LGALS4: variants seen among roughly 807,000 people sequenced by gnomAD.
LGALS4 encodes the protein galectin 4, also known as galectin-4.
In LGALS4, 37 loss-of-function variants were observed where a neutral mutation model predicts 39.6. The observed-to-expected ratio is 0.93, with a 90% CI of 0.72 to 1.23. LGALS4 has a LOEUF of 1.23. Ranked by LOEUF, LGALS4 falls within the 50% of genes most tolerant of loss-of-function variation. The pLI, the probability that LGALS4 is intolerant of heterozygous loss-of-function variation, is 0.00. For missense variants in LGALS4, 397 were observed against 433.2 expected (o/e 0.92, Z 0.74); for synonymous variants, 160 against 165.5 (o/e 0.97, Z 0.25).
intron 8 of LGALS4, 33 bp downstream of exon 8, chr19:38,802,283 G>T (rs767046687): frequency 1.2e-6 from 2 of 1,605,440 alleles, no homozygotes; most frequent in Non-Finnish European, 1.7e-6. Context: ...AGGGAGGAGG[G>T]GGCTGGGGGT....
intron 2 of LGALS4, 83 bp downstream of exon 2, chr19:38,812,348 G>A (rs934361237): frequency 8.3e-7 from 1 of 1,201,754 alleles, no homozygotes; most frequent in East Asian, 2.3e-5. Context: ...GTGGGGTAAG[G>A]GCAGAAAGCC....
chr19:38,807,543 G>A (rs941055343), intron 3 of LGALS4, among the ~76,000 whole-genome samples: 4 of 151,864 alleles, frequency 2.6e-5, no homozygotes, highest in Admixed American at 2.0e-4. Context: ...GGTGAGGAGC[G>A]CCTCTGCCCG....
Position 38,803,554 on chromosome 19 carries a change from G to T in LGALS4, c.541-3C>A. ...AAGGTTGGGGGTCCTTCCATGGTCT[G>T]TGAAGTGAGGAAGAAGCGATATTAT... On this transcript the variant is annotated splice_region_variant and splice_polypyrimidine_tract_variant and intron_variant, in intron 6 of 9. Coordinates refer to ENST00000307751, the MANE Select transcript of LGALS4 (RefSeq NM_006149.4). 2 of 1,613,964 alleles carry T rather than the reference G, an allele frequency of 1.2e-6. No individual in the cohort carries two copies. The highest frequency in any genetic ancestry group is 2.2e-5 in the South Asian group (2 of 91,082).
In LGALS4 at chr19:38,812,444, C is replaced by A; in HGVS notation, c.121G>T (p.Glu41Ter). The A allele has an allele frequency of 6.2e-7, 1 of 1,614,014 alleles. No individual in the cohort carries two copies. The highest frequency in any genetic ancestry group is 8.5e-7 in the Non-Finnish European group (1 of 1,179,946). ...GGAGGGTCTTACCGCTTCATGTGCT[C>A]GCTGGCCACTCCTTGGATGTAAACA... The part of the protein sequence containing the change: ...MSVYIQGVAS[E>*]HMKRFFVNFV... Residue 41 changes from glutamate (E) to a stop codon, truncating the protein, a stop_gained, in exon 2 of 10, where the codon GAG becomes TAG. Transcript: ENST00000307751. LOFTEE classifies it high-confidence loss of function.
intron 7 of LGALS4, 182 bp downstream of exon 7, chr19:38,803,340 C>T (rs1445817468): frequency 3.1e-6 from 2 of 638,276 alleles, no homozygotes; most frequent in East Asian, 2.7e-5. Context: ...TCTGAGAGGT[C>T]CCACTCCTCC....
At position 38,812,430 on chromosome 19, in the gene LGALS4, C is replaced by G; in HGVS notation, c.134+1G>C. 6.2e-7 allele frequency: 1 copy of G among 1,613,830 alleles called. No homozygotes were observed. The highest frequency in any genetic ancestry group is 8.5e-7 in the Non-Finnish European group (1 of 1,179,798). ...CCGGCCTGGCTTGGGGAGGGTCTTA[C>G]CGCTTCATGTGCTCGCTGGCCACTC... On this transcript the variant is annotated splice_donor_variant, in intron 2 of 9. Coordinates refer to ENST00000307751, the MANE Select transcript of LGALS4 (RefSeq NM_006149.4). LOFTEE classifies it high-confidence loss of function.
intron 4 of LGALS4, among the ~76,000 whole-genome samples, chr19:38,805,166 A>AAATTAATAATAAT (rs1555719648): frequency 4.1e-5 from 5 of 121,110 alleles, no homozygotes; most frequent in African/African-American, 1.8e-4. Flanking sequence ...CCTGCCTCAA[A>AAATTAATAATAAT]AATAATAATA....
chr19:38,802,337 T>C lies in LGALS4; in HGVS notation c.638A>G (p.Tyr213Cys), dbSNP rs761501851. Residue 213 changes from tyrosine (Y) to cysteine (C), a missense_variant, in exon 8 of 10, where the codon TAT becomes TGT. Coordinates refer to ENST00000307751, the MANE Select transcript of LGALS4 (RefSeq NM_006149.4). ...TARRTIIIKG[Y>C]VPPTGKSFAI... ...ATACCTCTTGCCTGTGGGAGGCACATAGCCCTTGATGATGATGGTTCTTCG... is the reference window on the plus strand; with the variant it reads ...ATACCTCTTGCCTGTGGGAGGCACACAGCCCTTGATGATGATGGTTCTTCG... 1.9e-6 allele frequency: 3 copies of C among 1,614,150 alleles called. No homozygotes were observed. Among genetic ancestry groups the C allele is most frequent in the Non-Finnish European group, 2.5e-6 (3 of 1,179,996 alleles).
At chr19:38,807,231 G>C (rs1971432711) in intron 3 of LGALS4, among the ~76,000 whole-genome samples, 1 of 152,126 alleles carries the variant, frequency 6.6e-6, no homozygotes, top group East Asian at 1.9e-4. Flanking sequence ...AGCCGGGCGT[G>C]GTGGTGTGCA....
chr19:38,809,081 A>G lies in LGALS4; in HGVS notation c.135-133T>C, dbSNP rs77675772. On this transcript the variant is annotated intron_variant, in intron 2 of 9. Transcript: ENST00000307751. ...GACCTCAGCACCAGCTCTGAGGGGC[A>G]ACCTTGGCACTGTGGGCCACAGCGT... is the stretch of plus-strand genomic sequence containing the variant. 3.2e-3 allele frequency: 2,250 copies of G among 706,326 alleles called. 73 individuals are homozygous for G. In the East Asian group the frequency reaches 0.053, roughly 17 times the overall value. The allele number at this position is 706,326 out of a possible 1,614,324, so 43.8% of individuals were successfully genotyped here. A position where few individuals can be genotyped will look rare whatever the true frequency, so the allele number is the denominator to read the frequency against.
chr19:38,812,869 T>G lies in LGALS4; in HGVS notation c.18A>C (p.Ala6=), dbSNP rs1233622152. Residue 6 remains alanine, a synonymous_variant, in exon 1 of 10, where the codon GCA becomes GCC. Transcript: ENST00000307751. ...GGTTGTAGGTGGGCTGGTAGCCCGG[T>G]GCGGGGACATAGGCCATCGCTCGAG... MAYVP[A]PGYQPTYNPT... 12 of 1,611,798 alleles carry G rather than the reference T, an allele frequency of 7.4e-6. No individual in the cohort carries two copies. Among genetic ancestry groups the G allele is most frequent in the Non-Finnish European group, 1.0e-5 (12 of 1,179,978 alleles).
At chr19:38,803,008 CTTTTTT>C (rs71165582) in intron 7 of LGALS4, 4,879 of 73,108 alleles carry the variant, frequency 0.067, 104 homozygotes, top group African/African-American at 0.12. Flanking sequence ...TTTTCTTTTT[CTTTTTT>C]TTTTTTTTTT....
At chr19:38,808,378 C>T (rs1038888891) in intron 3 of LGALS4, among the ~76,000 whole-genome samples, 6 of 151,800 alleles carry the variant, frequency 4.0e-5, no homozygotes, top group Admixed American at 1.3e-4. Flanking sequence ...AATTCCAGCA[C>T]TTTGGGAGGC....
intron 4 of LGALS4, among the ~76,000 whole-genome samples, chr19:38,806,094 G>A (rs1971418196): frequency 6.6e-6 from 1 of 151,592 alleles, no homozygotes; most frequent in African/African-American, 2.4e-5. Flanking sequence ...TAGACCAACT[G>A]CGGTGGCTCA....
Position 38,801,971 on chromosome 19 carries a change from GA to G in LGALS4, c.825+20del, listed in dbSNP as rs755749994. Reference sequence around the variant, plus strand: ...GGACTGAGGCCCTGGAAGGAAGTGGGAAAAGAGAGCTCAGACTCACATCAAA... The same window carrying G: ...GGACTGAGGCCCTGGAAGGAAGTGGGAAAGAGAGCTCAGACTCACATCAAA... On this transcript the variant is annotated intron_variant, in intron 9 of 9. Coordinates refer to ENST00000307751, the MANE Select transcript of LGALS4 (RefSeq NM_006149.4). 18 of 1,613,992 alleles carry G rather than the reference GA, an allele frequency of 1.1e-5. No individual in the cohort carries two copies. In the Admixed American group the frequency reaches 3.0e-4, roughly 27 times the overall value.
Position 38,808,824 on chromosome 19 carries a change from C to T in LGALS4, c.259G>A (p.Glu87Lys), listed in dbSNP as rs555142913. Residue 87 changes from glutamate to lysine, a missense_variant, in exon 3 of 10, where the codon GAG becomes AAG. Transcript: ENST00000307751. ...AAGGGCATGCTCCTCTTCCTCTCCT[C>T]GCTGCCCCACTTCCCGCCCTGCAAC... ...NTLQGGKWGS[E>K]ERKRSMPFKK... 1.1e-5 allele frequency: 17 copies of T among 1,614,148 alleles called. No individual in the cohort carries two copies. Among genetic ancestry groups the T allele is most frequent in the South Asian group, 3.3e-5 (3 of 91,084 alleles).
At chr19:38,803,922 T>C in intron 4 of LGALS4, 27 bp from the exon 5 acceptor site, 6 of 1,595,756 alleles carry the variant, frequency 3.8e-6, no homozygotes, top group Non-Finnish European at 5.1e-6. Context: ...AGAAAGCGGT[T>C]ATGAGAGGGT....
intron 4 of LGALS4, among the ~76,000 whole-genome samples, chr19:38,805,679 T>G (rs4802887): frequency 0.65 from 98,077 of 152,040 alleles, 33,894 homozygotes; most frequent in African/African-American, 0.91. Flanking sequence ...TCCCGGCCTT[T>G]ATCCCTTGCA....
chr19:38,806,078 A>G (rs1971418035), intron 4 of LGALS4, among the ~76,000 whole-genome samples: 1 of 151,738 alleles, frequency 6.6e-6, no homozygotes, highest in African/African-American at 2.4e-5. Context: ...TCTCAAAAAG[A>G]AAAAATAGAC....
Sources: allele counts gnomAD v4.1 joint callset (sites outside exome capture counted in the v4.1 genomes callset), GRCh38; gene constraint gnomAD v4.1.1; transcripts MANE v1.5; gene names NCBI Gene and HGNC (gene_info 2026-07-23, HGNC 2026-07-21).